XPR1: variants seen among roughly 807,000 people sequenced by gnomAD.
The protein encoded by XPR1 is solute carrier family 53 member 1.
Under a neutral mutation model 87.5 loss-of-function variants are expected in XPR1, and 28 were observed. The ratio of observed to expected loss-of-function variants is 0.32; its 90% CI spans 0.24 to 0.44. XPR1 has a LOEUF of 0.44. XPR1 is among the 20% of genes least tolerant of loss of function. The pLI is 1.00. For synonymous variants in XPR1, 300 were observed against 306.1 expected (o/e 0.98, Z 0.21); for missense variants, 559 against 862.3 (o/e 0.65, Z 4.41).
intron 2 of XPR1, among the ~76,000 whole-genome samples, chr1:180,774,846 A>T (rs916632814): frequency 1.3e-5 from 2 of 152,180 alleles, no homozygotes; most frequent in Non-Finnish European, 2.9e-5. Context: ...ATAGAAATTT[A>T]TTTCTCATAG....
intron 2 of XPR1, 98 bp downstream of exon 2, chr1:180,682,509 C>A: frequency 1.4e-6 from 1 of 728,438 alleles, no homozygotes; most frequent in Non-Finnish European, 2.1e-6. Context: ...ATAACCTGTC[C>A]TATTATATAG....
intron 2 of XPR1, among the ~76,000 whole-genome samples, chr1:180,698,986 G>A (rs182832235): frequency 7.2e-5 from 11 of 152,070 alleles, no homozygotes; most frequent in African/African-American, 1.2e-4. Flanking sequence ...TATGCTTGGC[G>A]GAGGACCTTT....
intron 9 of XPR1, among the ~76,000 whole-genome samples, chr1:180,830,910 G>T (rs1651033310): frequency 6.6e-6 from 1 of 152,170 alleles, no homozygotes; most frequent in African/African-American, 2.4e-5. Context: ...CTGTAAAATG[G>T]GGATATGAAT....
chr1:180,658,398 C>A (rs963397280), intron 1 of XPR1, among the ~76,000 whole-genome samples: 1 of 152,132 alleles, frequency 6.6e-6, no homozygotes, highest in Non-Finnish European at 1.5e-5. Context: ...AGTTTTTCCC[C>A]ATTCAGTATA....
intron 2 of XPR1, among the ~76,000 whole-genome samples, chr1:180,684,528 G>GT (rs1237602410): frequency 3.9e-5 from 6 of 152,130 alleles, no homozygotes; most frequent in African/African-American, 1.4e-4. Context: ...TGTGAAGAAA[G>GT]GCATTGGTAG....
rs375910142 is a variant in XPR1, at chr1:180,644,476, C to G, written c.69+12206C>G. The stretch of plus-strand genomic sequence containing the variant: ...GTGACTTTTTTTTTTAACTTTGCAT[C>G]TATCTTCTCATCTATTGTATGTGAA... On this transcript the variant is annotated intron_variant, in intron 1 of 14. Transcript: ENST00000367590. Among the ~76,000 whole-genome samples the G allele has an allele frequency of 6.8e-5, 10 of 146,054 alleles. No homozygotes were observed. The East Asian group carries it at 1.8e-3, about 26-fold the overall frequency.
chr1:180,820,844 T>G (rs994257051), intron 7 of XPR1, among the ~76,000 whole-genome samples: 2 of 152,210 alleles, frequency 1.3e-5, no homozygotes, highest in Non-Finnish European at 2.9e-5. Context: ...TTTCATGTGC[T>G]CATTGGCCAT....
chr1:180,774,577 T>G (rs975975669), intron 2 of XPR1, among the ~76,000 whole-genome samples: 89 of 151,834 alleles, frequency 5.9e-4, no homozygotes, highest in African/African-American at 2.0e-3. Context: ...TTGTTTGTTT[T>G]TTTGTATATT....
intron 2 of XPR1, among the ~76,000 whole-genome samples, chr1:180,768,553 C>T (rs780191343): frequency 3.9e-5 from 6 of 152,100 alleles, no homozygotes; most frequent in Non-Finnish European, 5.9e-5. Context: ...AATAATCAGC[C>T]CTTGCATTCT....
rs536274390 is a variant in XPR1 at position 180,760,301 on chromosome 1, T to C, written c.122-27452T>C. Among the ~76,000 whole-genome samples the C allele has an allele frequency of 3.3e-5, 5 of 152,246 alleles. No individual in the cohort carries two copies. The East Asian group carries it at 9.6e-4, about 29-fold the overall frequency. ...GGAGAAGGAAATAAAGGGTATTCAA[T>C]TAGGAAAAGAGGAAGTCACATTGTC... On this transcript the variant is annotated intron_variant, in intron 2 of 14. Coordinates refer to ENST00000367590, the MANE Select transcript of XPR1 (RefSeq NM_004736.4).
rs1653048571 is a variant in XPR1, at chr1:180,887,397, T to C, written c.*3331T>C. On this transcript the variant is annotated 3_prime_UTR_variant, in exon 15 of 15. Coordinates refer to ENST00000367590, the MANE Select transcript of XPR1 (RefSeq NM_004736.4). ...TTTATGGTAGTATAGAAAGCATTGA[T>C]GTGTGTAGAGAAATTAAAAGACAAG... 6.6e-6 allele frequency: 1 copy of C among 152,226 alleles called. No homozygotes were observed. The highest frequency in any genetic ancestry group is 2.4e-5 in the African/African-American group (1 of 41,450). The allele number at this position is 152,226 out of a possible 1,614,324, so 9.4% of individuals were successfully genotyped here. A position where few individuals can be genotyped will look rare whatever the true frequency, so the allele number is the denominator to read the frequency against.
At chr1:180,693,251 GTTGTTTTCA>G (rs937762630) in intron 2 of XPR1, among the ~76,000 whole-genome samples, 28 of 152,176 alleles carry the variant, frequency 1.8e-4, no homozygotes, top group African/African-American at 6.8e-4. Context: ...TCCTTTTTGA[GTTGTTTTCA>G]TTTTCTTTAG....
At chr1:180,632,392 C>T in intron 1 of XPR1, 122 bp downstream of exon 1, 1 of 1,313,544 alleles carries the variant, frequency 7.6e-7, no homozygotes, top group South Asian at 1.3e-5. Flanking sequence ...GACCCGCTGC[C>T]GCGGGGAGCC....
chr1:180,843,953 C>A (rs1651597303), intron 11 of XPR1, among the ~76,000 whole-genome samples: 1 of 152,172 alleles, frequency 6.6e-6, no homozygotes, highest in Non-Finnish European at 1.5e-5. Flanking sequence ...TAGCTCACAC[C>A]TGTAATCCCA....
chr1:180,818,178 C>A (rs1278660703), intron 7 of XPR1, among the ~76,000 whole-genome samples: 1 of 152,154 alleles, frequency 6.6e-6, no homozygotes, highest in African/African-American at 2.4e-5. Flanking sequence ...CGAGGCTTCT[C>A]ATATTCTTTA....
intron 2 of XPR1, among the ~76,000 whole-genome samples, chr1:180,762,127 C>T (rs1236942609): frequency 3.8e-5 from 3 of 79,808 alleles, no homozygotes; most frequent in Non-Finnish European, 2.4e-5. Context: ...GTTGTGGGGT[C>T]GGGGGAGGGG....
At position 180,853,758 on chromosome 1, in the gene XPR1, CT is replaced by C. The variant is rs554553478; in HGVS notation, c.1502-9948del. On this transcript the variant is annotated intron_variant, in intron 11 of 14. Transcript: ENST00000367590. ...TAACTGAGAGCTTTGGCAGCCTTAC[CT>C]TCTGTGGCACAAATAATAGTGCATT... Among the ~76,000 whole-genome samples, 4 of 145,088 alleles carry C rather than the reference CT, an allele frequency of 2.8e-5. No homozygotes were observed. The South Asian group carries it at 8.8e-4, about 32-fold the overall frequency.
intron 8 of XPR1, 61 bp downstream of exon 8, chr1:180,825,004 G>A (rs1156467796): frequency 6.5e-7 from 1 of 1,543,880 alleles, no homozygotes; most frequent in African/African-American, 1.4e-5. Context: ...ATAGCTATCT[G>A]GTTTAGTGGG....
chr1:180,708,908 TTGGGGGGGG>T (rs1657650278), intron 2 of XPR1, among the ~76,000 whole-genome samples: 1 of 25,634 alleles, frequency 3.9e-5, no homozygotes, highest in African/African-American at 8.0e-5. Flanking sequence ...TTTTTTTTTT[TTGGGGGGGG>T]GGGGGCGGGG....
Sources: allele counts gnomAD v4.1 joint callset (sites outside exome capture counted in the v4.1 genomes callset), GRCh38; gene constraint gnomAD v4.1.1; transcripts MANE v1.5; gene names NCBI Gene and HGNC (gene_info 2026-07-23, HGNC 2026-07-21).